Variants in QTMAN observed in about 807,000 individuals in gnomAD.
QTMAN encodes the protein queuosine-tRNA mannosyltransferase.
chr2:144,091,322 G>T, the QTMAN span, among the ~76,000 whole-genome samples: 1 of 151,950 alleles, frequency 6.6e-6, no homozygotes, highest in Non-Finnish European at 1.5e-5. Flanking sequence ...AAACATCTAG[G>T]AAAAACCTGG....
At chr2:144,182,020 C>A in the QTMAN span, among the ~76,000 whole-genome samples, 1 of 151,860 alleles carries the variant, frequency 6.6e-6, no homozygotes, top group Non-Finnish European at 1.5e-5. Context: ...AAGCTAGCAA[C>A]AACCCAAAAG....
the QTMAN span, among the ~76,000 whole-genome samples, chr2:144,045,073 A>G: frequency 1.3e-5 from 2 of 152,240 alleles, no homozygotes; most frequent in Non-Finnish European, 2.9e-5. Context: ...AACATATATA[A>G]AAGTAACCCA....
the QTMAN span, among the ~76,000 whole-genome samples, chr2:144,035,784 C>T: frequency 9.2e-5 from 14 of 152,096 alleles, no homozygotes; most frequent in African/African-American, 3.4e-4. Context: ...AGAAATATAC[C>T]TCAAAAAATG....
chr2:144,030,237 T>C, the QTMAN span, among the ~76,000 whole-genome samples: 1 of 152,150 alleles, frequency 6.6e-6, no homozygotes, highest in Non-Finnish European at 1.5e-5. Flanking sequence ...AAATCTTCTT[T>C]CCCAAGTCTC....
chr2:144,058,229 T>C, the QTMAN span, among the ~76,000 whole-genome samples: 1 of 150,832 alleles, frequency 6.6e-6, no homozygotes, highest in Non-Finnish European at 1.5e-5. Flanking sequence ...TCTTCCCCTG[T>C]CCAATCTTTC....
At chr2:144,108,528 C>G in the QTMAN span, among the ~76,000 whole-genome samples, 1 of 151,296 alleles carries the variant, frequency 6.6e-6, no homozygotes, top group Admixed American at 6.6e-5. Context: ...GTCCCAGCTA[C>G]TGGAGAGGCT....
At chr2:144,141,686 C>A in the QTMAN span, among the ~76,000 whole-genome samples, 1 of 151,640 alleles carries the variant, frequency 6.6e-6, no homozygotes, top group African/African-American at 2.4e-5. Flanking sequence ...GACTCAATAT[C>A]TGAACTAACT....
At chr2:144,027,765 T>C in the QTMAN span, among the ~76,000 whole-genome samples, 2 of 152,350 alleles carry the variant, frequency 1.3e-5, no homozygotes, top group African/African-American at 2.4e-5. Flanking sequence ...GTAATCCAGT[T>C]ACTCCTGCAG....
chr2:144,057,432 T>C, the QTMAN span, among the ~76,000 whole-genome samples: 1 of 152,208 alleles, frequency 6.6e-6, no homozygotes, highest in Non-Finnish European at 1.5e-5. Context: ...ATGCAATTCT[T>C]GCCTTCATGA....
the QTMAN span, among the ~76,000 whole-genome samples, chr2:143,960,112 T>C: frequency 6.6e-6 from 1 of 152,124 alleles, no homozygotes; most frequent in African/African-American, 2.4e-5. Context: ...ATGTGGATCA[T>C]GGTCAAAAGT....
the QTMAN span, among the ~76,000 whole-genome samples, chr2:143,964,474 C>A: frequency 6.6e-6 from 1 of 152,076 alleles, no homozygotes; most frequent in Non-Finnish European, 1.5e-5. Flanking sequence ...TCTTATAATT[C>A]AACATTTATC....
At chr2:144,202,459 A>G in the QTMAN span, among the ~76,000 whole-genome samples, 1 of 152,230 alleles carries the variant, frequency 6.6e-6, no homozygotes, top group Non-Finnish European at 1.5e-5. Flanking sequence ...GACACTAAAC[A>G]CTTAAAAGCA....
At chr2:144,089,776 G>A in the QTMAN span, among the ~76,000 whole-genome samples, 66 of 151,976 alleles carry the variant, frequency 4.3e-4, no homozygotes, top group African/African-American at 1.5e-3. Context: ...AAGGGAGAGT[G>A]GGGGAGAGGG....
chr2:143,939,274 GTTC>G, the QTMAN span: 3 of 152,176 alleles, frequency 2.0e-5, no homozygotes, highest in Admixed American at 2.0e-4. Context: ...GTTAATTCAT[GTTC>G]TTACCACCCA....
At chr2:144,245,086 T>C in the QTMAN span, among the ~76,000 whole-genome samples, 2 of 152,244 alleles carry the variant, frequency 1.3e-5, no homozygotes, top group East Asian at 1.9e-4. Flanking sequence ...CCTTCACTAT[T>C]TGGCACAGGG....
At chr2:144,078,557 A>G in the QTMAN span, among the ~76,000 whole-genome samples, 1 of 152,208 alleles carries the variant, frequency 6.6e-6, no homozygotes, top group Non-Finnish European at 1.5e-5. Context: ...AAGTAAACCC[A>G]AAAAGACATT....
the QTMAN span, among the ~76,000 whole-genome samples, chr2:144,266,474 T>C: frequency 9.2e-5 from 14 of 152,218 alleles, no homozygotes; most frequent in Non-Finnish European, 1.9e-4. Flanking sequence ...GATACAACAA[T>C]ATCTACTTTG....
the QTMAN span, among the ~76,000 whole-genome samples, chr2:143,972,302 T>C: frequency 6.6e-6 from 1 of 152,062 alleles, no homozygotes; most frequent in African/African-American, 2.4e-5. Flanking sequence ...GATGAAAAGA[T>C]TGGAAACAAT....
chr2:144,142,108 A>G, the QTMAN span: 1 of 1,329,860 alleles, frequency 7.5e-7, no homozygotes, highest in South Asian at 1.3e-5. Context: ...ATTCAGAGTA[A>G]TTTTTATCAA....
Sources: gnomAD v4.1 joint callset for allele counts (sites outside exome capture counted in the v4.1 genomes callset) on GRCh38, gnomAD v4.1.1 for gene constraint, MANE v1.5 for transcripts, NCBI Gene and HGNC (gene_info 2026-07-23, HGNC 2026-07-21) for gene names.